Variants in B3GALT1 observed in about 807,000 individuals in gnomAD.
B3GALT1 encodes the protein beta-1,3-galactosyltransferase 1.
B3GALT1 carries 10 observed loss-of-function variants against 23.2 expected under a neutral mutation model. The ratio of observed to expected loss-of-function variants is 0.43; its 90% CI spans 0.27 to 0.73. The LOEUF is 0.73. Ranked by LOEUF, B3GALT1 falls within the 30% of genes least tolerant of loss-of-function variation. The pLI is 0.21. For synonymous variants in B3GALT1, 156 were observed against 141.5 expected (o/e 1.10, Z -0.73); for missense variants, 299 against 405.4 (o/e 0.74, Z 2.25).
chr2:167,775,810 A>G (rs558586710), intron 3 of B3GALT1, among the ~76,000 whole-genome samples: 1 of 152,136 alleles, frequency 6.6e-6, no homozygotes, highest in East Asian at 1.9e-4. Context: ...CATAAATCAG[A>G]CAATAATAGG....
chr2:167,548,156 G>A (rs532326413), intron 2 of B3GALT1, among the ~76,000 whole-genome samples: 2 of 152,282 alleles, frequency 1.3e-5, no homozygotes, highest in East Asian at 1.9e-4. Flanking sequence ...ATGAGAAAAA[G>A]CAAGCAGAGA....
chr2:167,331,192 A>T (rs1372089405), intron 1 of B3GALT1, among the ~76,000 whole-genome samples: 1 of 152,000 alleles, frequency 6.6e-6, no homozygotes, highest in African/African-American at 2.4e-5. Flanking sequence ...TATTCTGGGG[A>T]CTGGGATGAC....
intron 2 of B3GALT1, among the ~76,000 whole-genome samples, chr2:167,609,674 G>C (rs533291676): frequency 6.6e-6 from 1 of 152,170 alleles, no homozygotes; most frequent in Non-Finnish European, 1.5e-5. Flanking sequence ...ACTATCTCCT[G>C]TATCTCATTG....
intron 2 of B3GALT1, among the ~76,000 whole-genome samples, chr2:167,583,676 TCATA>T (rs10572292): frequency 0.19 from 29,468 of 152,024 alleles, 2,877 homozygotes; most frequent in African/African-American, 0.21. Flanking sequence ...TTGATATTGA[TCATA>T]CATATATACT....
chr2:167,549,935 AC>A (rs150952475), intron 2 of B3GALT1, among the ~76,000 whole-genome samples: 9,125 of 152,266 alleles, frequency 0.06, 619 homozygotes, highest in African/African-American at 0.17. Context: ...AAATAGCTAT[AC>A]CAGACCTACC....
chr2:167,605,493 C>A (rs534765030), intron 2 of B3GALT1, among the ~76,000 whole-genome samples: 1 of 152,214 alleles, frequency 6.6e-6, no homozygotes, highest in African/African-American at 2.4e-5. Flanking sequence ...GCATGTCAAC[C>A]CGAGTGCCTT....
At chr2:167,715,215 C>T in intron 3 of B3GALT1, 1 of 1,613,968 alleles carries the variant, frequency 6.2e-7, no homozygotes, top group Non-Finnish European at 8.5e-7. Context: ...TCCGTTGTGT[C>T]TTCTTCAAGC....
In B3GALT1 at chr2:167,649,662, C is replaced by T. The variant is rs368495660; in HGVS notation, c.-352+2696C>T. On this transcript the variant is annotated intron_variant, in intron 3 of 4. Transcript: ENST00000392690. Reference sequence around the variant, plus strand: ...TCCTTTTTAATGACTGAATAATATTCCATTATATGGATACGCTACACTAGC... The same window carrying T: ...TCCTTTTTAATGACTGAATAATATTTCATTATATGGATACGCTACACTAGC... Among the ~76,000 whole-genome samples, 17 of 152,120 alleles carry T rather than the reference C, an allele frequency of 1.1e-4. 1 individual carries two copies. Among genetic ancestry groups the T allele is most frequent in the Admixed American group, 6.6e-4 (10 of 15,266 alleles).
chr2:167,618,456 C>T (rs918980800), intron 2 of B3GALT1, among the ~76,000 whole-genome samples: 2 of 151,630 alleles, frequency 1.3e-5, no homozygotes. Context: ...GCCTTTATTC[C>T]AGGATACCTC....
chr2:167,451,867 T>C (rs114452996), intron 1 of B3GALT1, among the ~76,000 whole-genome samples: 1,763 of 152,258 alleles, frequency 0.012, 38 homozygotes, highest in African/African-American at 0.041. Context: ...CCGTGGCTGC[T>C]GTGGAGGATG....
At chr2:167,520,930 T>C (rs1042924955) in intron 2 of B3GALT1, among the ~76,000 whole-genome samples, 2 of 152,208 alleles carry the variant, frequency 1.3e-5, no homozygotes, top group Non-Finnish European at 2.9e-5. Flanking sequence ...TTGGCTGTTG[T>C]TTCTGCTGTT....
intron 4 of B3GALT1, among the ~76,000 whole-genome samples, chr2:167,859,664 C>G (rs1157823368): frequency 2.0e-5 from 3 of 152,158 alleles, no homozygotes; most frequent in Admixed American, 6.5e-5. Flanking sequence ...TTTCAACTGC[C>G]AAGTCATGAT....
intron 2 of B3GALT1, among the ~76,000 whole-genome samples, chr2:167,530,712 T>G (rs922137770): frequency 6.6e-6 from 1 of 152,328 alleles, no homozygotes; most frequent in Admixed American, 6.5e-5. Flanking sequence ...ATTGAATGCT[T>G]GTCTTATTTT....
chr2:167,752,129 G>A (rs886170386), intron 3 of B3GALT1, among the ~76,000 whole-genome samples: 4 of 151,966 alleles, frequency 2.6e-5, no homozygotes, highest in African/African-American at 9.7e-5. Flanking sequence ...TTTATGGGAT[G>A]CAGTGAGAAT....
At chr2:167,755,660 C>T (rs960589026) in intron 3 of B3GALT1, among the ~76,000 whole-genome samples, 1 of 151,902 alleles carries the variant, frequency 6.6e-6, no homozygotes, top group African/African-American at 2.4e-5. Flanking sequence ...CTTCCAGGAG[C>T]TATTTGCCTT....
chr2:167,580,894 T>G (rs955619455), intron 2 of B3GALT1, among the ~76,000 whole-genome samples: 10 of 152,154 alleles, frequency 6.6e-5, no homozygotes, highest in Non-Finnish European at 1.0e-4. Context: ...GAGACAGGTG[T>G]GGAGAGACAC....
At chr2:167,511,303 C>T (rs751327477) in intron 2 of B3GALT1, among the ~76,000 whole-genome samples, 2 of 152,114 alleles carry the variant, frequency 1.3e-5, no homozygotes, top group Non-Finnish European at 2.9e-5. Flanking sequence ...TGGAAATAAT[C>T]GAATCATTGG....
intron 3 of B3GALT1, among the ~76,000 whole-genome samples, chr2:167,663,194 G>A (rs1221878427): frequency 2.8e-5 from 4 of 145,028 alleles, no homozygotes; most frequent in Non-Finnish European, 6.0e-5. Flanking sequence ...CCACCTATGA[G>A]TGAGAATATG....
chr2:167,489,778 A>G (rs1008816465), intron 1 of B3GALT1, among the ~76,000 whole-genome samples: 1 of 152,220 alleles, frequency 6.6e-6, no homozygotes, highest in Non-Finnish European at 1.5e-5. Context: ...AGGAAGCCAC[A>G]GACAAGACTG....
Sources: gnomAD v4.1 joint callset for allele counts (sites outside exome capture counted in the v4.1 genomes callset) on GRCh38, gnomAD v4.1.1 for gene constraint, MANE v1.5 for transcripts, NCBI Gene and HGNC (gene_info 2026-07-23, HGNC 2026-07-21) for gene names.